The following ELOVL6 variants were observed in gnomAD, a reference collection of about 807,000 sequenced individuals.
ELOVL6 encodes ELOVL fatty acid elongase 6.
ELOVL6 carries 8 observed loss-of-function variants against 31.7 expected under a neutral mutation model. The observed-to-expected ratio is 0.25, with a 90% CI of 0.15 to 0.45. ELOVL6 has a LOEUF of 0.45. Among genes scored for constraint, ELOVL6 ranks in the 20% least tolerant of loss-of-function variants. ELOVL6 has a pLI of 1.00. For missense variants in ELOVL6, 126 were observed against 326.4 expected (o/e 0.39, Z 4.73); for synonymous variants, 101 against 117.7 (o/e 0.86, Z 0.92).
intron 1 of ELOVL6, among the ~76,000 whole-genome samples, chr4:110,136,238 C>A (rs922902822): frequency 6.6e-6 from 1 of 152,090 alleles, no homozygotes; most frequent in Non-Finnish European, 1.5e-5. Flanking sequence ...GGAAAACACC[C>A]AGCATTAGGA....
intron 1 of ELOVL6, among the ~76,000 whole-genome samples, chr4:110,187,007 T>A (rs1368506274): frequency 6.6e-6 from 1 of 150,480 alleles, no homozygotes; most frequent in Admixed American, 6.6e-5. Flanking sequence ...GGTAAACCTA[T>A]CTTATGATGT....
chr4:110,153,807 T>C (rs1758343661), intron 1 of ELOVL6, among the ~76,000 whole-genome samples: 1 of 152,350 alleles, frequency 6.6e-6, no homozygotes, highest in Non-Finnish European at 1.5e-5. Context: ...CTCTCCAGTG[T>C]CATTCCTGAA....
intron 1 of ELOVL6, among the ~76,000 whole-genome samples, chr4:110,166,746 A>G (rs1758790322): frequency 2.0e-5 from 3 of 152,156 alleles, no homozygotes; most frequent in Admixed American, 2.0e-4. Flanking sequence ...TGCTACCACC[A>G]TGAAAGGAAA....
At chr4:110,165,442 C>T (rs1412448430) in intron 1 of ELOVL6, among the ~76,000 whole-genome samples, 1 of 152,156 alleles carries the variant, frequency 6.6e-6, no homozygotes, top group Non-Finnish European at 1.5e-5. Flanking sequence ...CCCACATAAA[C>T]CTTAGTCAGG....
At chr4:110,154,717 C>T (rs1758367381) in intron 1 of ELOVL6, among the ~76,000 whole-genome samples, 1 of 152,208 alleles carries the variant, frequency 6.6e-6, no homozygotes, top group Admixed American at 6.5e-5. Context: ...TTTTCTCTTA[C>T]ACCATCCCCA....
chr4:110,095,887 A>T (rs564779362), intron 2 of ELOVL6, among the ~76,000 whole-genome samples: 1 of 152,344 alleles, frequency 6.6e-6, no homozygotes, highest in Non-Finnish European at 1.5e-5. Context: ...TGCATACATA[A>T]CTTAGAATGA....
intron 1 of ELOVL6, among the ~76,000 whole-genome samples, chr4:110,175,388 A>G (rs1759072841): frequency 6.6e-6 from 1 of 152,160 alleles, no homozygotes; most frequent in African/African-American, 2.4e-5. Context: ...TCTCAAAAAA[A>G]AAAGACATAA....
intron 2 of ELOVL6, among the ~76,000 whole-genome samples, chr4:110,067,358 A>T (rs1755335444): frequency 6.6e-6 from 1 of 152,226 alleles, no homozygotes; most frequent in Admixed American, 6.5e-5. Flanking sequence ...CATAATAAAA[A>T]ATACACATAT....
In ELOVL6 at chr4:110,184,619, A is replaced by T. The variant is rs138756369; in HGVS notation, c.89+13628T>A. Among the ~76,000 whole-genome samples the T allele has an allele frequency of 2.0e-3, 302 of 152,342 alleles. 2 individuals are homozygous for T. Among genetic ancestry groups the T allele is most frequent in the African/African-American group, 6.8e-3 (282 of 41,582 alleles). ...ACAATGGGAGGTAGGAATCTAGAAG[A>T]CTAAAAGTAGTCCTGGGGAGCTAAA... On this transcript the variant is annotated intron_variant, in intron 1 of 3. Coordinates refer to ENST00000302274, the MANE Select transcript of ELOVL6 (RefSeq NM_024090.3).
chr4:110,071,879 G>A (rs1443084135), intron 2 of ELOVL6, among the ~76,000 whole-genome samples: 9 of 152,214 alleles, frequency 5.9e-5, no homozygotes, highest in Non-Finnish European at 1.3e-4. Context: ...CTCCAGGGAA[G>A]TTTCAGGAGG....
intron 1 of ELOVL6, among the ~76,000 whole-genome samples, chr4:110,167,652 GTTATGTATGTATGTATGTAT>G (rs1560854052): frequency 6.9e-6 from 1 of 144,372 alleles, no homozygotes; most frequent in Non-Finnish European, 1.5e-5. Flanking sequence ...CACCACCTCA[GTTATGTATGTATGTATGTAT>G]GTATGTATGT....
intron 1 of ELOVL6, among the ~76,000 whole-genome samples, chr4:110,174,240 T>G (rs932986962): frequency 6.6e-6 from 1 of 150,634 alleles, no homozygotes; most frequent in African/African-American, 2.4e-5. Flanking sequence ...CTCGGCTCAC[T>G]GCAACCTCCA....
intron 2 of ELOVL6, among the ~76,000 whole-genome samples, chr4:110,081,636 A>C (rs1177586801): frequency 2.0e-5 from 3 of 150,892 alleles, no homozygotes; most frequent in Non-Finnish European, 4.4e-5. Flanking sequence ...AAACCATAAA[A>C]ACCATAGAAG....
At chr4:110,054,486 T>G (rs1212900307) in intron 3 of ELOVL6, among the ~76,000 whole-genome samples, 1 of 152,222 alleles carries the variant, frequency 6.6e-6, no homozygotes, top group East Asian at 1.9e-4. Flanking sequence ...AGATACTGTA[T>G]GTTTAAAACA....
At chr4:110,148,017 G>A (rs1758172009) in intron 1 of ELOVL6, among the ~76,000 whole-genome samples, 2 of 151,832 alleles carry the variant, frequency 1.3e-5, no homozygotes, top group South Asian at 2.1e-4. Flanking sequence ...GGGAGGCTGA[G>A]GCAGGAGAAT....
At chr4:110,186,803 CA>C (rs397994948) in intron 1 of ELOVL6, among the ~76,000 whole-genome samples, 935 of 82,364 alleles carry the variant, frequency 0.011, 6 homozygotes, top group African/African-American at 0.035. Flanking sequence ...GACTCTGTCT[CA>C]AAAAAAAAAA....
intron 2 of ELOVL6, among the ~76,000 whole-genome samples, chr4:110,064,318 G>A (rs1218241447): frequency 6.6e-6 from 1 of 151,906 alleles, no homozygotes; most frequent in Non-Finnish European, 1.5e-5. Flanking sequence ...TAATCCACAA[G>A]GAGCCTGTTT....
intron 1 of ELOVL6, among the ~76,000 whole-genome samples, chr4:110,172,865 G>T (rs1758994825): frequency 6.6e-6 from 1 of 152,094 alleles, no homozygotes; most frequent in Admixed American, 6.5e-5. Context: ...AGTGTCACAT[G>T]CAGGGGAAAA....
At chr4:110,193,679 G>A (rs34601932) in intron 1 of ELOVL6, among the ~76,000 whole-genome samples, 19,133 of 152,036 alleles carry the variant, frequency 0.13, 1,506 homozygotes, top group South Asian at 0.23. Context: ...GAATAAAAAG[G>A]CTTCCTCAGC....
Sources: gnomAD v4.1 joint callset for allele counts (sites outside exome capture counted in the v4.1 genomes callset) on GRCh38, gnomAD v4.1.1 for gene constraint, MANE v1.5 for transcripts, NCBI Gene and HGNC (gene_info 2026-07-23, HGNC 2026-07-21) for gene names.